Variants in PRLR observed in about 807,000 individuals in gnomAD.
The protein encoded by PRLR is prolactin receptor.
In PRLR, 13 loss-of-function variants were observed where a neutral mutation model predicts 40.2. That is an observed-to-expected ratio of 0.32 (90% confidence interval 0.21 to 0.51). The LOEUF (loss-of-function observed/expected upper bound fraction) is 0.51. Among genes scored for constraint, PRLR ranks in the 20% least tolerant of loss-of-function variants. The pLI is 0.97. For missense variants in PRLR, 656 were observed against 747.3 expected, an observed-to-expected ratio of 0.88 and a Z score of 1.42; for synonymous variants, 269 against 278.7, an observed-to-expected ratio of 0.97 and a Z score of 0.35.
intron 1 of PRLR, among the ~76,000 whole-genome samples, chr5:35,187,951 T>C (rs1775491329): frequency 6.6e-6 from 1 of 152,240 alleles, no homozygotes; most frequent in Non-Finnish European, 1.5e-5. Context: ...AAAATCTCTC[T>C]GTGGACACAA....
At chr5:35,172,588 G>A (rs1485858791) in intron 1 of PRLR, among the ~76,000 whole-genome samples, 1 of 152,186 alleles carries the variant, frequency 6.6e-6, no homozygotes. Context: ...CAATTCTCCT[G>A]TGGTTTTGAA....
chr5:35,076,544 G>A (rs182328706), intron 5 of PRLR, among the ~76,000 whole-genome samples: 2 of 152,340 alleles, frequency 1.3e-5, no homozygotes, highest in Middle Eastern at 3.4e-3. Flanking sequence ...ACGGGACTAT[G>A]TGAAAAGACC....
intron 1 of PRLR, among the ~76,000 whole-genome samples, chr5:35,214,399 G>A (rs1776237830): frequency 6.6e-6 from 1 of 152,180 alleles, no homozygotes; most frequent in Admixed American, 6.5e-5. Context: ...TTTCCTCCAT[G>A]TGTTACGCAC....
intron 2 of PRLR, among the ~76,000 whole-genome samples, chr5:35,101,757 A>G (rs1376180866): frequency 6.7e-6 from 1 of 148,508 alleles, no homozygotes; most frequent in African/African-American, 2.4e-5. Context: ...ACATATATAC[A>G]TATAAAACAT....
At chr5:35,138,619 G>T (rs1354867818) in intron 1 of PRLR, among the ~76,000 whole-genome samples, 1 of 152,126 alleles carries the variant, frequency 6.6e-6, no homozygotes, top group African/African-American at 2.4e-5. Flanking sequence ...GAATCAAAAG[G>T]AAGAATATCT....
chr5:35,184,454 C>A (rs1318137566), intron 1 of PRLR, among the ~76,000 whole-genome samples: 2 of 152,128 alleles, frequency 1.3e-5, no homozygotes, highest in Non-Finnish European at 2.9e-5. Flanking sequence ...GAAGAGGTTG[C>A]AGCAGTGAGC....
intron 2 of PRLR, among the ~76,000 whole-genome samples, chr5:35,109,708 C>T (rs77556663): frequency 0.055 from 8,326 of 152,174 alleles, 542 homozygotes; most frequent in East Asian, 0.18. Context: ...ATTAAAAAGC[C>T]AGGAAACAAC....
chr5:35,190,342 C>T (rs1282248233), intron 1 of PRLR, among the ~76,000 whole-genome samples: 1 of 152,178 alleles, frequency 6.6e-6, no homozygotes, highest in African/African-American at 2.4e-5. Context: ...TGGTGGCTCA[C>T]ACCTGTAATC....
intron 2 of PRLR, 86 bp downstream of exon 2, chr5:35,117,975 G>C (rs1222900440): frequency 1.4e-6 from 1 of 691,942 alleles, no homozygotes; most frequent in African/African-American, 2.0e-5. Context: ...TGTAAACCAA[G>C]ATAGTTGAGC....
chr5:35,087,422 T>TTGTGTG (rs10691744), intron 3 of PRLR, among the ~76,000 whole-genome samples: 6,177 of 140,878 alleles, frequency 0.044, 374 homozygotes, highest in African/African-American at 0.14. Context: ...TCTCTTTCCT[T>TTGTGTG]TGTGTGTGTG....
chr5:35,058,419 G>T lies in PRLR; in HGVS notation c.*6670C>A, dbSNP rs149523165. On this transcript the variant is annotated 3_prime_UTR_variant, in exon 10 of 10. Coordinates refer to ENST00000618457, the MANE Select transcript of PRLR (RefSeq NM_000949.7). The stretch of plus-strand genomic sequence containing the variant: ...GAAGCACAAAATCCAGCCTCATTAT[G>T]CAAAGAACACTTGAGAAGTGTCAGC... The T allele has an allele frequency of 3.2e-4, 49 of 152,320 alleles. No homozygotes were observed. The highest frequency in any genetic ancestry group is 1.2e-3 in the African/African-American group (48 of 41,572). 9.4% of individuals were successfully genotyped at this position (152,320 alleles called of 1,614,324 possible).
chr5:35,188,761 C>T (rs1351696657), intron 1 of PRLR, among the ~76,000 whole-genome samples: 1 of 152,210 alleles, frequency 6.6e-6, no homozygotes, highest in Non-Finnish European at 1.5e-5. Flanking sequence ...TCAATGCCGT[C>T]CACTGTCCTG....
chr5:35,056,319 G>C lies in PRLR; in HGVS notation c.*8770C>G, dbSNP rs982149034. On this transcript the variant is annotated 3_prime_UTR_variant, in exon 10 of 10. Transcript: ENST00000618457. Reference sequence around the variant, plus strand: ...GACTCAGTTTCATCTGCATAGTTTCGAGGGACTTTCAAAGGTGAAGCCAGC... The same window carrying C: ...GACTCAGTTTCATCTGCATAGTTTCCAGGGACTTTCAAAGGTGAAGCCAGC... 1.3e-5 allele frequency: 2 copies of C among 152,092 alleles called. No individual in the cohort carries two copies. The highest frequency in any genetic ancestry group is 1.9e-4 in the East Asian group (1 of 5,184). The allele number at this position is 152,092 out of a possible 1,614,324, so 9.4% of individuals were successfully genotyped here. A position where few individuals can be genotyped will look rare whatever the true frequency, so the allele number is the denominator to read the frequency against.
intron 2 of PRLR, among the ~76,000 whole-genome samples, chr5:35,107,518 G>C (rs1398554581): frequency 2.0e-5 from 3 of 152,002 alleles, no homozygotes; most frequent in Admixed American, 6.6e-5. Flanking sequence ...AAATCAAATA[G>C]ATGCAATAAA....
In PRLR at chr5:35,221,981, A is replaced by C. The variant is rs369369305; in HGVS notation, c.-106+8287T>G. Among the ~76,000 whole-genome samples, 3 of 152,266 alleles carry C rather than the reference A, an allele frequency of 2.0e-5. No homozygotes were observed. In the East Asian group the frequency reaches 5.8e-4, roughly 29 times the overall value. On this transcript the variant is annotated intron_variant, in intron 1 of 9. Transcript: ENST00000618457. ...TCTCACCGTGGGCAGTGAACCCAGA[A>C]GCTCCCAACACATATAAAGGATTCT...
At chr5:35,226,061 G>GA (rs1194565333) in intron 1 of PRLR, among the ~76,000 whole-genome samples, 1 of 152,214 alleles carries the variant, frequency 6.6e-6, no homozygotes, top group Non-Finnish European at 1.5e-5. Flanking sequence ...ATCTCAATAT[G>GA]AAATAGCCAC....
At chr5:35,095,151 G>A (rs1248473340) in intron 2 of PRLR, among the ~76,000 whole-genome samples, 1 of 152,102 alleles carries the variant, frequency 6.6e-6, no homozygotes, top group Non-Finnish European at 1.5e-5. Context: ...TTTCTTTCCA[G>A]TACAGAATGC....
intron 5 of PRLR, chr5:35,081,514 G>A (rs1770514837): frequency 6.0e-6 from 1 of 165,720 alleles, no homozygotes; most frequent in Non-Finnish European, 1.3e-5. Context: ...ATAGGCTGCA[G>A]GGTTATACGA....
At chr5:35,077,617 A>G (rs1194870519) in intron 5 of PRLR, among the ~76,000 whole-genome samples, 1 of 152,254 alleles carries the variant, frequency 6.6e-6, no homozygotes, top group East Asian at 1.9e-4. Flanking sequence ...AGACTTTAAC[A>G]CCCCACTGTC....
Sources: allele counts gnomAD v4.1 joint callset (sites outside exome capture counted in the v4.1 genomes callset), GRCh38; gene constraint gnomAD v4.1.1; transcripts MANE v1.5; gene names NCBI Gene and HGNC (gene_info 2026-07-23, HGNC 2026-07-21).